F11R: variants seen among roughly 807,000 people sequenced by gnomAD.
The protein encoded by F11R is junctional adhesion molecule A.
Under a neutral mutation model 39.3 loss-of-function variants are expected in F11R, and 27 were observed. The observed-to-expected ratio is 0.69, with a 90% CI of 0.51 to 0.95. The LOEUF is 0.95. F11R is among the 40% of genes least tolerant of loss of function. The probability of loss-of-function intolerance (pLI) is 0.00; values close to 1 mark genes in which losing one functional copy is unlikely to be tolerated. For synonymous variants in F11R, 131 were observed against 144.9 expected (o/e 0.90, Z 0.69); for missense variants, 335 against 372.7 (o/e 0.90, Z 0.83).
intron 1 of F11R, among the ~76,000 whole-genome samples, chr1:161,014,058 T>C (rs1649313696): frequency 6.6e-6 from 1 of 152,206 alleles, no homozygotes; most frequent in Non-Finnish European, 1.5e-5. Context: ...AACCCTAGTG[T>C]GTATCCACTC....
Position 161,021,059 on chromosome 1 carries a change from C to A in F11R, c.15G>T (p.Ala5=). Reference sequence around the variant, plus strand: ...GGCACAACAGTTTCCTCTCGACTTGCGCCTTTGTCCCCATCGCGATCAGGC... The same window carrying A: ...GGCACAACAGTTTCCTCTCGACTTGAGCCTTTGTCCCCATCGCGATCAGGC... The part of the protein sequence containing the change: MGTK[A]QVERKLLCLF... The change falls in exon 1 of 10, where the codon GCG becomes GCT. Residue 5 remains alanine, a synonymous_variant. Transcript: ENST00000368026. 1.2e-6 allele frequency: 2 copies of A among 1,613,832 alleles called. No individual in the cohort carries two copies. The highest frequency in any genetic ancestry group is 1.7e-6 in the Non-Finnish European group (2 of 1,179,860).
Position 161,003,123 on chromosome 1 carries a change from A to ATTTT in F11R, c.65-1774_65-1771dup, listed in dbSNP as rs755371627. Among the ~76,000 whole-genome samples the ATTTT allele has an allele frequency of 1.9e-3, 205 of 105,548 alleles. 8 individuals are homozygous for ATTTT. Among genetic ancestry groups the ATTTT allele is most frequent in the African/African-American group, 2.6e-3 (71 of 26,882 alleles). 69.2% of individuals were successfully genotyped at this position (105,548 alleles called of 152,430 possible). On this transcript the variant is annotated intron_variant, in intron 1 of 9. Coordinates refer to ENST00000368026, the MANE Select transcript of F11R (RefSeq NM_016946.6). ...TACCACCATGCCGGCTAATTTTTGT[A>ATTTT]TTTTTTTTTTTTTTTTTGAGACAGA...
At chr1:161,000,404 A>G in intron 4 of F11R, 56 bp from the exon 5 acceptor site, 1 of 1,564,484 alleles carries the variant, frequency 6.4e-7, no homozygotes, top group Non-Finnish European at 8.8e-7. Context: ...GCTTGAGTCT[A>G]AGTAACCAAC....
At chr1:161,003,080 G>A (rs1454565657) in intron 1 of F11R, among the ~76,000 whole-genome samples, 2 of 147,048 alleles carry the variant, frequency 1.4e-5, no homozygotes, top group Non-Finnish European at 1.5e-5. Context: ...CTTCCAAACA[G>A]CTGGGATTAC....
intron 1 of F11R, among the ~76,000 whole-genome samples, chr1:161,016,855 A>C (rs918552897): frequency 6.6e-6 from 1 of 152,182 alleles, no homozygotes; most frequent in Non-Finnish European, 1.5e-5. Flanking sequence ...AGCAAGAGAG[A>C]TCAGATTGTT....
intron 1 of F11R, among the ~76,000 whole-genome samples, chr1:161,004,061 G>C (rs547572042): frequency 2.7e-3 from 413 of 152,192 alleles, no homozygotes; most frequent in Middle Eastern, 0.017. Flanking sequence ...ACCGCGCCCG[G>C]CAATTTTTTG....
At chr1:161,018,475 C>G (rs1462479193) in intron 1 of F11R, among the ~76,000 whole-genome samples, 1 of 152,206 alleles carries the variant, frequency 6.6e-6, no homozygotes, top group Non-Finnish European at 1.5e-5. Flanking sequence ...CAGCTAGGGA[C>G]AGCATTCTGG....
rs757789990 is a variant in F11R at position 160,999,054 on chromosome 1, C to G, written c.853G>C (p.Ala285Pro). The change falls in exon 9 of 10, where the codon GCC (alanine) becomes CCC (proline). Residue 285 changes from alanine to proline, a missense_variant. Physicochemically the swap from Ala to Pro is conservative, Grantham distance 27. Transcript: ENST00000368026. ...GGAGGCATACTCACTTCACTTCGGG[C>G]ACTAGGCTGGCTGTAAATCACCTTC... ...SKKVIYSQPSARSEGEFKQTS... is the reference protein window; with the variant it reads ...SKKVIYSQPSPRSEGEFKQTS... The G allele has an allele frequency of 4.3e-6, 7 of 1,614,118 alleles. No individual in the cohort carries two copies. The Admixed American group carries it at 1.0e-4, about 23-fold the overall frequency.
At chr1:161,011,820 G>T (rs1190395592) in intron 1 of F11R, among the ~76,000 whole-genome samples, 1 of 151,790 alleles carries the variant, frequency 6.6e-6, no homozygotes. Flanking sequence ...AGTAATAAGT[G>T]TTTATCTCTA....
chr1:161,000,657 T>G lies in F11R; in HGVS notation c.362A>C (p.Glu121Ala), dbSNP rs761180212. 6.2e-7 allele frequency: 1 copy of G among 1,614,002 alleles called. No homozygotes were observed. The highest frequency in any genetic ancestry group is 8.5e-7 in the Non-Finnish European group (1 of 1,179,992). The change falls in exon 4 of 10, where the codon GAG (glutamate) becomes GCG (alanine). Residue 121 changes from glutamate (E) to alanine (A), a missense_variant. Glu to Ala is a moderately radical substitution (Grantham distance 107, BLOSUM62 -1). Coordinates refer to ENST00000368026, the MANE Select transcript of F11R (RefSeq NM_016946.6). The stretch of plus-strand genomic sequence containing the variant: ...AAGCACGATGAGCTTGACCTTGACC[T>G]CCCCATAGCTGTTGCCGCCTTCCTC... ...VSEEGGNSYG[E>A]VKVKLIVLVP...
intron 4 of F11R, 104 bp from the exon 5 acceptor site, chr1:161,000,452 A>G (rs946540862): frequency 7.0e-7 from 1 of 1,419,308 alleles, no homozygotes; most frequent in South Asian, 1.2e-5. Context: ...CAAGCCTCCT[A>G]CTCTCACCAT....
Position 160,998,819 on chromosome 1 carries a change from G to A in F11R, c.*52C>T, listed in dbSNP as rs41269993. ...CTACAGACATCAGGGGCCAGAGTCC[G>A]GTAGCACCTGAGTAAGGCAAATGCA... On this transcript the variant is annotated 3_prime_UTR_variant, in exon 10 of 10. Transcript: ENST00000368026. 416,507 of 1,585,070 alleles carry A rather than the reference G, an allele frequency of 0.26. 57,906 individuals carry two copies. Among genetic ancestry groups the A allele is most frequent in the Non-Finnish European group, 0.28 (326,101 of 1,153,912 alleles).
intron 7 of F11R, 75 bp downstream of exon 7, chr1:160,999,565 G>A: frequency 6.7e-7 from 1 of 1,503,314 alleles, no homozygotes; most frequent in South Asian, 1.1e-5. Context: ...ATCAGGGTCA[G>A]TACTCAGATG....
At chr1:161,001,574 C>A (rs1648493539) in intron 1 of F11R, among the ~76,000 whole-genome samples, 1 of 152,154 alleles carries the variant, frequency 6.6e-6, no homozygotes, top group South Asian at 2.1e-4. Flanking sequence ...TTCTTTTATC[C>A]ATGGGAATGC....
At chr1:161,005,156 T>C (rs887998867) in intron 1 of F11R, among the ~76,000 whole-genome samples, 1 of 125,332 alleles carries the variant, frequency 8.0e-6, no homozygotes, top group Non-Finnish European at 1.8e-5. Flanking sequence ...CAAGACTCTG[T>C]CTCAAAAATA....
intron 1 of F11R, among the ~76,000 whole-genome samples, chr1:161,019,971 T>C (rs1388124674): frequency 6.6e-6 from 1 of 152,082 alleles, no homozygotes; most frequent in Non-Finnish European, 1.5e-5. Flanking sequence ...AAACTGATTG[T>C]AATCATTCAT....
chr1:161,014,954 T>G (rs1649370052), intron 1 of F11R, among the ~76,000 whole-genome samples: 1 of 149,252 alleles, frequency 6.7e-6, no homozygotes, highest in African/African-American at 2.5e-5. Context: ...GGCGGGTGCC[T>G]GTAGTCCCAG....
In F11R at chr1:161,001,047, G is replaced by A. The variant is rs777274457; in HGVS notation, c.214C>T (p.Leu72Phe). The A allele has an allele frequency of 6.2e-7, 1 of 1,614,130 alleles. No homozygotes were observed. The highest frequency in any genetic ancestry group is 1.7e-5 in the Admixed American group (1 of 60,024). The stretch of plus-strand genomic sequence containing the variant: ...GTGATCTTGTTATTATAGCAAACGA[G>A]TCTGGTGGTGTCTCCTTGGTCAAAC... Reference protein sequence around the residue: ...WKFDQGDTTRLVCYNNKITAS... With the variant: ...WKFDQGDTTRFVCYNNKITAS... Residue 72 changes from leucine (L) to phenylalanine (F), a missense_variant, in exon 3 of 10, where the codon CTC (leucine) becomes TTC (phenylalanine). Transcript: ENST00000368026.
At chr1:161,015,411 T>A (rs865880710) in intron 1 of F11R, among the ~76,000 whole-genome samples, 4,802 of 111,988 alleles carry the variant, frequency 0.043, 314 homozygotes, top group African/African-American at 0.14. Flanking sequence ...AAAAAAAATA[T>A]ATATATATAT....
Sources: allele counts gnomAD v4.1 joint callset (sites outside exome capture counted in the v4.1 genomes callset), GRCh38; gene constraint gnomAD v4.1.1; transcripts MANE v1.5; gene names NCBI Gene and HGNC (gene_info 2026-07-23, HGNC 2026-07-21).